Variants in RUVBL1 observed in about 807,000 individuals in gnomAD.
RUVBL1 encodes RuvB like AAA ATPase 1.
In RUVBL1, 4 loss-of-function variants were observed where a neutral mutation model predicts 52.4. That is an observed-to-expected ratio of 0.08 (90% CI 0.04 to 0.17). The LOEUF (loss-of-function observed/expected upper bound fraction) is 0.17. Among genes scored for constraint, RUVBL1 ranks in the 10% least tolerant of loss-of-function variants. RUVBL1 has a pLI of 1.00. For synonymous variants in RUVBL1, 217 were observed against 214.4 expected (o/e 1.01, Z -0.10); for missense variants, 298 against 572.8 (o/e 0.52, Z 4.90).
downstream of RUVBL1, among the ~76,000 whole-genome samples, chr3:128,077,545 C>T (rs1011804275): frequency 2.6e-5 from 4 of 152,252 alleles, no homozygotes; most frequent in African/African-American, 9.6e-5. Flanking sequence ...CCAGCACTGG[C>T]TGGGACAAGG....
At chr3:128,083,865 G>A (rs955375906) in intron 9 of RUVBL1, 1 of 152,330 alleles carries the variant, frequency 6.6e-6, no homozygotes, top group African/African-American at 2.4e-5. Flanking sequence ...ATCACCTGAG[G>A]TCTGGAGTTT....
At chr3:128,100,506 GGCA>G in intron 6 of RUVBL1, 86 bp downstream of exon 6, 1 of 1,464,522 alleles carries the variant, frequency 6.8e-7, no homozygotes, top group Non-Finnish European at 9.1e-7. Flanking sequence ...CCTCAAGAAA[GGCA>G]GCAAGACTCT....
intron 1 of RUVBL1, among the ~76,000 whole-genome samples, chr3:128,131,233 G>A (rs11714619): frequency 0.14 from 21,500 of 152,118 alleles, 1,737 homozygotes; most frequent in African/African-American, 0.21. Context: ...TGGGCATGGT[G>A]GTTCATACCT....
intron 1 of RUVBL1, 126 bp from the exon 2 acceptor site, chr3:128,119,540 A>G: frequency 1.4e-6 from 1 of 698,448 alleles, no homozygotes; most frequent in South Asian, 2.0e-5. Context: ...AGTGCACTGC[A>G]GTCACTGTTC....
intron 9 of RUVBL1, among the ~76,000 whole-genome samples, chr3:128,073,421 C>T (rs1410210868): frequency 6.6e-6 from 1 of 152,224 alleles, no homozygotes; most frequent in African/African-American, 2.4e-5. Context: ...AGCCTCCCAT[C>T]TCATTTCTGA....
At chr3:128,107,833 A>C (rs1447934776) in intron 3 of RUVBL1, among the ~76,000 whole-genome samples, 1 of 152,238 alleles carries the variant, frequency 6.6e-6, no homozygotes, top group Non-Finnish European at 1.5e-5. Flanking sequence ...TTTAAAATCA[A>C]ACCTTTTATA....
chr3:128,079,208 G>A (rs976975283), downstream of RUVBL1, among the ~76,000 whole-genome samples: 1 of 152,246 alleles, frequency 6.6e-6, no homozygotes, highest in African/African-American at 2.4e-5. Flanking sequence ...CTCTAGGTGG[G>A]TCACCTTCCC....
At chr3:128,153,738 C>G in exon 1 of RUVBL1, 2 of 1,538,006 alleles carry the variant, frequency 1.3e-6, no homozygotes, top group Non-Finnish European at 1.7e-6. Flanking sequence ...CGCCCGAGGC[C>G]GAGCCCGAGC....
chr3:128,085,222 A>G (rs1218421641), intron 9 of RUVBL1: 4 of 152,386 alleles, frequency 2.6e-5, no homozygotes, highest in Admixed American at 6.5e-5. Flanking sequence ...CACAAATCCT[A>G]ATGACAATCT....
At chr3:128,140,228 G>GTTTTTTTTTTTTT (rs372296453) in intron 1 of RUVBL1, among the ~76,000 whole-genome samples, 1 of 53,444 alleles carries the variant, frequency 1.9e-5, no homozygotes, top group Non-Finnish European at 5.0e-5. Context: ...TTTTTTGTTT[G>GTTTTTTTTTTTTT]TTTGTTTTTT....
intron 8 of RUVBL1, among the ~76,000 whole-genome samples, chr3:128,094,411 G>A (rs565410349): frequency 2.6e-4 from 39 of 152,292 alleles, no homozygotes; most frequent in African/African-American, 7.2e-4. Context: ...GCATTTTCAC[G>A]GCAATCTGTT....
chr3:128,076,740 C>T (rs1400296132), downstream of RUVBL1, among the ~76,000 whole-genome samples: 2 of 152,086 alleles, frequency 1.3e-5, no homozygotes, highest in African/African-American at 2.4e-5. The surrounding 1 kb of genome is among the most constrained non-coding windows in gnomAD (Gnocchi z 6.8). Flanking sequence ...TGAAAACCTG[C>T]GCCGTGTGCC....
chr3:128,111,869 C>A (rs1461001043), intron 3 of RUVBL1, among the ~76,000 whole-genome samples: 1 of 152,160 alleles, frequency 6.6e-6, no homozygotes, highest in Non-Finnish European at 1.5e-5. Flanking sequence ...GAAACTGGTA[C>A]AGGCACTCTG....
At chr3:128,094,636 CCTCAACTG>C (rs1559813060) in intron 8 of RUVBL1, among the ~76,000 whole-genome samples, 6 of 152,204 alleles carry the variant, frequency 3.9e-5, no homozygotes, top group African/African-American at 7.2e-5. Context: ...CTGGAGATAA[CCTCAACTG>C]CTCACAGGGT....
At chr3:128,137,650 A>C (rs1943967297) in intron 1 of RUVBL1, among the ~76,000 whole-genome samples, 1 of 152,218 alleles carries the variant, frequency 6.6e-6, no homozygotes, top group African/African-American at 2.4e-5. Context: ...AAACTATCCC[A>C]AAAAATAGAG....
chr3:128,065,500 A>G (rs927107308), intron 9 of RUVBL1, among the ~76,000 whole-genome samples: 2 of 152,002 alleles, frequency 1.3e-5, no homozygotes, highest in African/African-American at 4.8e-5. Flanking sequence ...CTGAACTGCT[A>G]TTGTTTTCCT....
At chr3:128,141,986 T>C (rs901648114) in intron 1 of RUVBL1, 1 of 152,244 alleles carries the variant, frequency 6.6e-6, no homozygotes, top group Non-Finnish European at 1.5e-5. Context: ...ACTTGCCATA[T>C]TTTTTAAATG....
chr3:128,093,210 A>G (rs1354230803), intron 8 of RUVBL1, among the ~76,000 whole-genome samples: 1 of 152,226 alleles, frequency 6.6e-6, no homozygotes, highest in East Asian at 1.9e-4. Context: ...CTACAGCATC[A>G]TGCTAAGTGA....
chr3:128,153,819 C>T (rs922265841), exon 1 of RUVBL1: 22 of 1,504,808 alleles, frequency 1.5e-5, no homozygotes, highest in East Asian at 8.2e-5. Context: ...GGACCATCAT[C>T]GGCGGTGAGC....
Sources: allele counts gnomAD v4.1 joint callset (sites outside exome capture counted in the v4.1 genomes callset), GRCh38; gene constraint gnomAD v4.1.1; non-coding constraint Gnocchi (gnomAD v3.1); transcripts MANE v1.5; gene names NCBI Gene and HGNC (gene_info 2026-07-23, HGNC 2026-07-21).